SALL1: variants seen among roughly 807,000 people sequenced by gnomAD.
SALL1 encodes the protein sal-like protein 1.
A neutral mutation model predicts 73.1 loss-of-function variants in SALL1; 10 were observed. That is an observed-to-expected ratio of 0.14 (90% confidence interval 0.08 to 0.23). The LOEUF is 0.23. Ranked by LOEUF, SALL1 falls within the 10% of genes least tolerant of loss-of-function variation. The pLI, the probability that SALL1 is intolerant of heterozygous loss-of-function variation, is 1.00. For missense variants in SALL1, 1,520 were observed against 1,697.3 expected, an observed-to-expected ratio of 0.90 and a Z score of 1.84; for synonymous variants, 688 against 689.8, an observed-to-expected ratio of 1.00 and a Z score of 0.04.
At chr16:51,137,596 G>GA (rs769426239) in intron 2 of SALL1, 44 bp from the exon 3 acceptor site, 64 of 1,331,024 alleles carry the variant, frequency 4.8e-5, no homozygotes, top group Non-Finnish European at 5.6e-5. Context: ...GAGAGAGAGA[G>GA]AAAAAAAAGA....
rs1158167369 is a variant in SALL1 at position 51,135,987 on chromosome 16, T to C, written c.*1125A>G. The C allele has an allele frequency of 6.6e-6, 1 of 152,642 alleles. No homozygotes were observed. The highest frequency in any genetic ancestry group is 1.5e-5 in the Non-Finnish European group (1 of 68,032). 9.5% of individuals were successfully genotyped at this position (152,642 alleles called of 1,614,324 possible). A position where few individuals can be genotyped will look rare whatever the true frequency, so the allele number is the denominator to read the frequency against. ...CTAAAAACACAGACACAGTATTTTG[T>C]TTTATCTGTTGCAAAAAAAATGTAT... On this transcript the variant is annotated 3_prime_UTR_variant, in exon 3 of 3. Coordinates refer to ENST00000251020, the MANE Select transcript of SALL1 (RefSeq NM_002968.3).
Position 51,139,921 on chromosome 16 carries a change from G to A in SALL1, c.2301C>T (p.Ser767=), listed in dbSNP as rs763917714. The part of the protein sequence containing the change: ...RAMPPLRVQH[S]CPICQKKFTN... ...TGAACTTCTTCTGGCAGATGGGGCAGGAATGCTGGACTCTGAGCGGGGGCA... is the reference window on the plus strand; with the variant it reads ...TGAACTTCTTCTGGCAGATGGGGCAAGAATGCTGGACTCTGAGCGGGGGCA... Residue 767 remains serine (S), a synonymous_variant, in exon 2 of 3, where the codon TCC becomes TCT. Coordinates refer to ENST00000251020, the MANE Select transcript of SALL1 (RefSeq NM_002968.3). 5.0e-6 allele frequency: 8 copies of A among 1,614,114 alleles called. No individual in the cohort carries two copies. The highest frequency in any genetic ancestry group is 1.6e-4 in the Middle Eastern group (1 of 6,084).
chr16:51,150,651 C>T, intron 1 of SALL1: 2 of 829,318 alleles, frequency 2.4e-6, no homozygotes, highest in Non-Finnish European at 2.9e-6. Flanking sequence ...GGCAGGGGGG[C>T]GCAGCGAACT....
At position 51,138,910 on chromosome 16, in the gene SALL1, G is replaced by T. The variant is rs772520149; in HGVS notation, c.3312C>A (p.Pro1104=). The T allele has an allele frequency of 6.2e-7, 1 of 1,614,164 alleles. No individual in the cohort carries two copies. Among genetic ancestry groups the T allele is most frequent in the Non-Finnish European group, 8.5e-7 (1 of 1,180,032 alleles). Residue 1104 remains proline, a synonymous_variant, in exon 2 of 3, where the codon CCC becomes CCA. Coordinates refer to ENST00000251020, the MANE Select transcript of SALL1 (RefSeq NM_002968.3). The part of the protein sequence containing the change: ...HVSPQDSKDT[P]TSHVPSGPLS... ...GAGGCCCAGACGGGACGTGACTGGT[G>T]GGGGTGTCCTTACTGTCCTGAGGAG...
rs1327634986 is a variant in SALL1 at position 51,140,813 on chromosome 16, G to C, written c.1409C>G (p.Ser470Cys). The stretch of plus-strand genomic sequence containing the variant: ...CTTGAATGGCCTCTCTCCGGTATGG[G>C]AACGCAAGTGGATCTGCAAGGCACT... Reference protein sequence around the residue: ...SDSALQIHLRSHTGERPFKCN... With the variant: ...SDSALQIHLRCHTGERPFKCN... Residue 470 changes from serine (S) to cysteine (C), a missense_variant, in exon 2 of 3, where the codon TCC (serine) becomes TGC (cysteine). By Grantham distance (112) the Ser-to-Cys change is moderately radical (BLOSUM62 -1). Around this residue, in one of 7 missense-constraint regions of SALL1, gnomAD observed 21 missense variants for 69.3 expected, o/e 0.30. Transcript: ENST00000251020. The surrounding 1 kb of genome is among the most constrained non-coding windows in gnomAD (Gnocchi z 5.7). 6.2e-6 allele frequency: 10 copies of C among 1,614,098 alleles called. No individual in the cohort carries two copies. The highest frequency in any genetic ancestry group is 2.7e-5 in the African/African-American group (2 of 74,932).
chr16:51,142,355 A>G (rs975503481), intron 1 of SALL1, among the ~76,000 whole-genome samples: 1 of 152,216 alleles, frequency 6.6e-6, no homozygotes, highest in Non-Finnish European at 1.5e-5. Flanking sequence ...TCAGAGAGTC[A>G]TGGCCTTCAT....
intron 1 of SALL1, among the ~76,000 whole-genome samples, chr16:51,146,205 G>C (rs894154015): frequency 6.6e-6 from 1 of 152,030 alleles, no homozygotes; most frequent in Non-Finnish European, 1.5e-5. Flanking sequence ...TTCTGACGGG[G>C]ATTAGAGTAT....
Position 51,141,367 on chromosome 16 carries a change from T to C in SALL1, c.855A>G (p.Leu285=), listed in dbSNP as rs762324270. The stretch of plus-strand genomic sequence containing the variant: ...CCAGCTGCTGAGATAAATGGGAACT[T>C]AGCGTGGACAAGGGGTTGGCAGATG... ...LRTSANPLST[L]SSHLSQQLAA... is the part of the protein sequence containing the mutation. The change falls in exon 2 of 3, where the codon CTA becomes CTG. Residue 285 remains leucine, a synonymous_variant. Coordinates refer to ENST00000251020, the MANE Select transcript of SALL1 (RefSeq NM_002968.3). The surrounding 1 kb of genome is among the most constrained non-coding windows in gnomAD (Gnocchi z 5.4). The C allele has an allele frequency of 3.7e-6, 6 of 1,613,716 alleles. No homozygotes were observed. The African/African-American group carries it at 8.0e-5, about 22-fold the overall frequency.
chr16:51,147,340 CA>C (rs199519509), intron 1 of SALL1, among the ~76,000 whole-genome samples: 5 of 151,652 alleles, frequency 3.3e-5, no homozygotes, highest in East Asian at 1.9e-4. Flanking sequence ...AAGCAAATCA[CA>C]AAAAAAACAG....
intron 1 of SALL1, chr16:51,143,464 T>C (rs1291638343): frequency 4.4e-6 from 1 of 229,818 alleles, no homozygotes; most frequent in East Asian, 1.3e-4. Flanking sequence ...TGCATGCTTT[T>C]CTGCAGAACT....
chr16:51,139,647 C>G lies in SALL1; in HGVS notation c.2575G>C (p.Glu859Gln), dbSNP rs867515084. ...TCCAAAGCAGCGATGCTCGACATCT[C>G]GAGGGGCAAAGGCGAAGAGGATAAG... ...DSLSSSPLPLEMSSIAALENQ... is the reference protein window; with the variant it reads ...DSLSSSPLPLQMSSIAALENQ... The change falls in exon 2 of 3, where the codon GAG becomes CAG. Residue 859 changes from glutamate to glutamine, a missense_variant. Glu to Gln is a conservative substitution (Grantham distance 29, BLOSUM62 2). Coordinates refer to ENST00000251020, the MANE Select transcript of SALL1 (RefSeq NM_002968.3). The G allele has an allele frequency of 1.2e-6, 2 of 1,613,806 alleles. No individual in the cohort carries two copies. The highest frequency in any genetic ancestry group is 1.7e-6 in the Non-Finnish European group (2 of 1,179,750).
In SALL1 at chr16:51,137,279, C is replaced by T. The variant is rs369070446; in HGVS notation, c.3808G>A (p.Gly1270Arg). 1.7e-5 allele frequency: 28 copies of T among 1,613,992 alleles called. No homozygotes were observed. The highest frequency in any genetic ancestry group is 1.9e-5 in the Non-Finnish European group (22 of 1,180,038). The change falls in exon 3 of 3, where the codon GGG becomes AGG. Residue 1270 changes from glycine (G) to arginine (R), a missense_variant. This residue lies in a region of SALL1 where 318 missense variants were observed against 357.1 expected (regional missense o/e 0.89). Coordinates refer to ENST00000251020, the MANE Select transcript of SALL1 (RefSeq NM_002968.3). ...AGCCCACTAACAGGTGAGCTGTTCC[C>T]ACTGCCGAGGCTTCCAGGAATTGGA... ...IPPIPGSLGS[G>R]NSSPVSGLTG...
intron 1 of SALL1, chr16:51,149,165 T>C (rs1010921465): frequency 1.5e-4 from 23 of 152,638 alleles, no homozygotes; most frequent in African/African-American, 5.5e-4. Flanking sequence ...TTTTATATTA[T>C]TGCTTTATGA....
chr16:51,138,969 T>C lies in SALL1; in HGVS notation c.3253A>G (p.Ile1085Val). The C allele has an allele frequency of 6.2e-7, 1 of 1,614,130 alleles. No homozygotes were observed. The highest frequency in any genetic ancestry group is 8.5e-7 in the Non-Finnish European group (1 of 1,180,022). Reference protein sequence around the residue: ...VIPANSLSSLIKTEVNGFVHV... With the variant: ...VIPANSLSSLVKTEVNGFVHV... ...ACGAAGCCGTTGACCTCTGTCTTGA[T>C]GAGAGATGACAACGAGTTGGCGGGA... Residue 1085 changes from isoleucine to valine, a missense_variant, in exon 2 of 3, where the codon ATC (isoleucine) becomes GTC (valine). Ile to Val is a conservative substitution (Grantham distance 29). Coordinates refer to ENST00000251020, the MANE Select transcript of SALL1 (RefSeq NM_002968.3).
chr16:51,142,275 A>T, intron 1 of SALL1, 130 bp from the exon 2 acceptor site: 1 of 729,890 alleles, frequency 1.4e-6, no homozygotes, highest in Admixed American at 2.2e-5. Context: ...TTGAAAACCA[A>T]TCAATATTAC....
intron 1 of SALL1, among the ~76,000 whole-genome samples, chr16:51,148,186 G>A (rs1035055832): frequency 5.3e-5 from 8 of 152,048 alleles, no homozygotes; most frequent in African/African-American, 1.9e-4. Flanking sequence ...CTGTCTGTGT[G>A]GCTCCTTAGC....
rs1962288946 is a variant in SALL1 at position 51,136,006 on chromosome 16, A to C, written c.*1106T>G. 6.6e-6 allele frequency: 1 copy of C among 152,662 alleles called. No homozygotes were observed. Among genetic ancestry groups the C allele is most frequent in the African/African-American group, 2.4e-5 (1 of 41,460 alleles). 9.5% of individuals were successfully genotyped at this position (152,662 alleles called of 1,614,324 possible). On this transcript the variant is annotated 3_prime_UTR_variant, in exon 3 of 3. Coordinates refer to ENST00000251020, the MANE Select transcript of SALL1 (RefSeq NM_002968.3). ...ATTTTGTTTTATCTGTTGCAAAAAA[A>C]ATGTATTTGATTACTTGAGTAAAAT...
chr16:51,137,108 T>C lies in SALL1; in HGVS notation c.*4A>G, dbSNP rs758510877. The stretch of plus-strand genomic sequence containing the variant: ...TGAATGCTATGTCTCCAGCCCGAGC[T>C]GCTTTAACTCGTGACGATCTCCTTG... On this transcript the variant is annotated 3_prime_UTR_variant, in exon 3 of 3. Coordinates refer to ENST00000251020, the MANE Select transcript of SALL1 (RefSeq NM_002968.3). The C allele has an allele frequency of 1.6e-5, 26 of 1,613,994 alleles. No individual in the cohort carries two copies. The highest frequency in any genetic ancestry group is 2.7e-5 in the African/African-American group (2 of 74,914).
rs1179628991 is a variant in SALL1 at position 51,151,252 on chromosome 16, A to G, written c.-11T>C. 6.3e-7 allele frequency: 1 copy of G among 1,590,134 alleles called. No homozygotes were observed. The highest frequency in any genetic ancestry group is 1.3e-5 in the African/African-American group (1 of 74,300). Reference sequence around the variant, plus strand: ...CTTCCTCCGCGACATGCTGGCTCAAACATCAGCTGGGGCAGAATAAAAAAT... The same window carrying G: ...CTTCCTCCGCGACATGCTGGCTCAAGCATCAGCTGGGGCAGAATAAAAAAT... On this transcript the variant is annotated 5_prime_UTR_variant, in exon 1 of 3. Transcript: ENST00000251020.
Sources: gnomAD v4.1 joint callset for allele counts (sites outside exome capture counted in the v4.1 genomes callset) on GRCh38, gnomAD v4.1.1 for gene constraint, gnomAD v4.1.1 regional missense constraint, Gnocchi (gnomAD v3.1) non-coding constraint, MANE v1.5 for transcripts, NCBI Gene and HGNC (gene_info 2026-07-23, HGNC 2026-07-21) for gene names.